TTN: variants seen among roughly 807,000 people sequenced by gnomAD.
TTN encodes the protein titin, also known as connectin.
In TTN, 1,525 loss-of-function variants were observed where a neutral mutation model predicts 3,223.0. The observed-to-expected ratio is 0.47, with a 90% CI of 0.45 to 0.49. The LOEUF (loss-of-function observed/expected upper bound fraction) is 0.49, where lower values mean the gene tolerates loss of function less well. TTN is among the 20% of genes least tolerant of loss of function. The pLI is 0.00. For missense variants in TTN, 40,786 were observed against 43,424.0 expected (o/e 0.94, Z 5.40); for synonymous variants, 14,094 against 15,161.0 (o/e 0.93, Z 5.17).
At chr2:178,801,959 G>A (rs949237210) in intron 3 of TTN, among the ~76,000 whole-genome samples, 179 bp downstream of exon 3, 2 of 152,150 alleles carry the variant, frequency 1.3e-5, no homozygotes, top group Admixed American at 6.5e-5. Flanking sequence ...GTACTCTAGA[G>A]GAAAATTAAA....
rs186215280 is a variant in TTN, at chr2:178,593,182, C to A, written c.59026G>T (p.Asp19676Tyr). The part of the protein sequence containing the change: ...SPPSKPVFAK[D>Y]PIAKPSPPVN... ...TCCATTAATACTATACCAATTGGAT[C>A]TTTAGCAAAGACTGGTTTGGATGGT... The change falls in exon 299 of 363, where the codon GAT becomes TAT. Residue 19676 changes from aspartate (D) to tyrosine (Y), a missense_variant. By Grantham distance (160) the Asp-to-Tyr change is radical. Transcript: ENST00000589042. 3.0e-5 allele frequency: 49 copies of A among 1,613,248 alleles called. No individual in the cohort carries two copies. The Admixed American group carries it at 7.7e-4, about 25-fold the overall frequency.
chr2:178,612,484 A>G lies in TTN; in HGVS notation c.50041T>C (p.Ser16681Pro). 2 of 1,611,012 alleles carry G rather than the reference A, an allele frequency of 1.2e-6. No homozygotes were observed. Among genetic ancestry groups the G allele is most frequent in the Non-Finnish European group, 1.7e-6 (2 of 1,178,818 alleles). ...TCCACAATGTAGTTGGTGATGGGGG[A>G]CCCTCCATCTTTCTCAGGAACTGTC... ...KWTVPEKDGG[S>P]PITNYIVEKR... Residue 16681 changes from serine (S) to proline (P), a missense_variant, in exon 266 of 363, where the codon TCC becomes CCC. Physicochemically the swap from Ser to Pro is moderately conservative, Grantham distance 74. Coordinates refer to ENST00000589042, the MANE Select transcript of TTN (RefSeq NM_001267550.2).
At position 178,731,978 on chromosome 2, in the gene TTN, T is replaced by TA; in HGVS notation, c.16904-8dup. ...TTGGTAAAATAAGGTGACTCTACAG[T>TA]AAAAAAGGAATGATTTGCATTAAGG... On this transcript the variant is annotated splice_region_variant and splice_polypyrimidine_tract_variant and intron_variant, in intron 57 of 362. Transcript: ENST00000589042. 1 of 1,598,998 alleles carries TA rather than the reference T, an allele frequency of 6.3e-7. No individual in the cohort carries two copies. Among genetic ancestry groups the TA allele is most frequent in the Non-Finnish European group, 8.5e-7 (1 of 1,170,334 alleles).
intron 293 of TTN, 42 bp downstream of exon 293, chr2:178,597,866 G>C: frequency 6.2e-7 from 1 of 1,612,414 alleles, no homozygotes; most frequent in Non-Finnish European, 8.5e-7. Flanking sequence ...CCTTCAATCT[G>C]AAACATAAAT....
rs1329838265 is a variant in TTN at position 178,617,708 on chromosome 2, ATTTAT to A, written c.47572+66_47572+70del. ...TTTTTATTAACTTTCATTTAACTTG[ATTTAT>A]TTTAATTGATAGGCCTAATATCTGG... On this transcript the variant is annotated intron_variant, in intron 253 of 362. Coordinates refer to ENST00000589042, the MANE Select transcript of TTN (RefSeq NM_001267550.2). 16 of 1,553,792 alleles carry A rather than the reference ATTTAT, an allele frequency of 1.0e-5. No individual in the cohort carries two copies. In the African/African-American group the frequency reaches 2.1e-4, roughly 20 times the overall value.
Position 178,527,043 on chromosome 2 carries a change from G to A in TTN, c.107945C>T (p.Ala35982Val). ...GGATCGAATATGTATATTCACAGTG[G>A]CAGAGTCAGATCCAAATTCATTCCC... is the stretch of plus-strand genomic sequence containing the variant. ...SLGNEFGSDS[A>V]TVNIHIRSI Residue 35982 changes from alanine to valine, a missense_variant, in exon 363 of 363, where the codon GCC (alanine) becomes GTC (valine). Physicochemically the swap from Ala to Val is moderately conservative, Grantham distance 64 (BLOSUM62 0). Transcript: ENST00000589042. The A allele has an allele frequency of 6.2e-7, 1 of 1,613,704 alleles. No homozygotes were observed. The highest frequency in any genetic ancestry group is 8.5e-7 in the Non-Finnish European group (1 of 1,179,752).
At position 178,546,779 on chromosome 2, in the gene TTN, T is replaced by G; in HGVS notation, c.94649A>C (p.Glu31550Ala). The change falls in exon 341 of 363, where the codon GAG (glutamate) becomes GCG (alanine). Residue 31550 changes from glutamate (E) to alanine (A), a missense_variant. Glu to Ala is a moderately radical substitution (Grantham distance 107). Transcript: ENST00000589042. ...CTTCAGCCAGCGACCATCTCCTACC[T>G]CACTGACTGGCTTACGCTCTATGAT... ...GYIIERKPVS[E>A]VGDGRWLKCN... is the part of the protein sequence containing the mutation. The G allele has an allele frequency of 6.2e-7, 1 of 1,613,710 alleles. No individual in the cohort carries two copies. Among genetic ancestry groups the G allele is most frequent in the South Asian group, 1.1e-5 (1 of 91,072 alleles).
rs557567114 is a variant in TTN, at chr2:178,564,009, C to T, written c.82123G>A (p.Gly27375Arg). ...KVLDRPGPPE[G>R]PLKVTGVTAE... Reference sequence around the variant, plus strand: ...GTAACTCCAGTAACTTTCAGAGGCCCTTCAGGAGGCCCTGGCCTGTCAAGT... The same window carrying T: ...GTAACTCCAGTAACTTTCAGAGGCCTTTCAGGAGGCCCTGGCCTGTCAAGT... Residue 27375 changes from glycine (G) to arginine (R), a missense_variant, in exon 326 of 363, where the codon GGG (glycine) becomes AGG (arginine). By Grantham distance (125) the Gly-to-Arg change is moderately radical. Transcript: ENST00000589042. 26 of 1,613,678 alleles carry T rather than the reference C, an allele frequency of 1.6e-5. No individual in the cohort carries two copies. In the South Asian group the frequency reaches 2.4e-4, roughly 15 times the overall value.
In TTN at chr2:178,624,673, A is replaced by T; in HGVS notation, c.44607T>A (p.Thr14869=). The change falls in exon 242 of 363, where the codon ACT becomes ACA. Residue 14869 remains threonine (T), a synonymous_variant. Coordinates refer to ENST00000589042, the MANE Select transcript of TTN (RefSeq NM_001267550.2). ...TGGAGACTTCACACTCCAGCACTGC[A>T]GTGGCTCCCTCTTCGACCGTCTGGT... ...LEDQTVEEGA[T]AVLECEVSRE... 6.2e-7 allele frequency: 1 copy of T among 1,612,524 alleles called. No individual in the cohort carries two copies. The highest frequency in any genetic ancestry group is 1.1e-5 in the South Asian group (1 of 91,046).
rs2076813561 is a variant in TTN at position 178,712,558 on chromosome 2, T to C, written c.27364A>G (p.Ser9122Gly). ...AKFVKRLNDY[S>G]IEKGKPLILE... ...ATCAGGGGTTTTCCTTTCTCTATGCTGTAATCATTCAGCCTCTTCACAAAT... is the reference window on the plus strand; with the variant it reads ...ATCAGGGGTTTTCCTTTCTCTATGCCGTAATCATTCAGCCTCTTCACAAAT... Residue 9122 changes from serine (S) to glycine (G), a missense_variant, in exon 95 of 363, where the codon AGC becomes GGC. Transcript: ENST00000589042. The C allele has an allele frequency of 6.2e-7, 1 of 1,613,280 alleles. No individual in the cohort carries two copies. Among genetic ancestry groups the C allele is most frequent in the South Asian group, 1.1e-5 (1 of 91,048 alleles).
chr2:178,618,906 T>G, intron 250 of TTN, 53 bp from the exon 251 acceptor site: 1 of 1,573,996 alleles, frequency 6.4e-7, no homozygotes. Flanking sequence ...GTAGCCAAGC[T>G]ACATCATGTT....
rs1233159864 is a variant in TTN at position 178,737,127 on chromosome 2, G to GGGGA, written c.14371+954_14371+955insTCCC. ...AAGATAGAGAGGAGGGAGGGAAGGA[G>GGGGA]GGAAGGAAGGAAGGAAGGAAAGAAG... On this transcript the variant is annotated intron_variant, in intron 49 of 362. Coordinates refer to ENST00000589042, the MANE Select transcript of TTN (RefSeq NM_001267550.2). 1.0e-3 allele frequency among the ~76,000 whole-genome samples: 156 copies of GGGGA among 151,752 alleles called. 1 individual carries two copies. Among genetic ancestry groups the GGGGA allele is most frequent in the African/African-American group, 3.6e-3 (150 of 41,402 alleles).
Position 178,560,276 on chromosome 2 carries a change from C to T in TTN, c.85856G>A (p.Cys28619Tyr). The T allele has an allele frequency of 1.9e-6, 3 of 1,613,812 alleles. No homozygotes were observed. The highest frequency in any genetic ancestry group is 2.5e-6 in the Non-Finnish European group (3 of 1,179,784). ...TGCATAAACACGATATTCATATTCA[C>T]ATCCTTCCCGAAGTCCTGTTGATTT... ...RVKSTGLREG[C>Y]EYEYRVYAEN... Residue 28619 changes from cysteine to tyrosine, a missense_variant, in exon 326 of 363, where the codon TGT becomes TAT. Cys to Tyr is a radical substitution (Grantham distance 194, BLOSUM62 -2). Coordinates refer to ENST00000589042, the MANE Select transcript of TTN (RefSeq NM_001267550.2).
chr2:178,613,099 G>A (rs1396727844), intron 264 of TTN, 27 bp from the exon 265 acceptor site: 1 of 1,610,968 alleles, frequency 6.2e-7, no homozygotes, highest in East Asian at 2.2e-5. Flanking sequence ...TCATTGTTTA[G>A]GTTTGTCAAA....
Position 178,558,541 on chromosome 2 carries a change from C to T in TTN, c.86918G>A (p.Arg28973Lys). ...WLKPEHDGGS[R>K]IVHYVVEALE... Reference sequence around the variant, plus strand: ...TGCTTCAACGACATAGTGTACAATTCTGCTTCCGCCATCATGTTCAGGCTT... The same window carrying T: ...TGCTTCAACGACATAGTGTACAATTTTGCTTCCGCCATCATGTTCAGGCTT... Residue 28973 changes from arginine (R) to lysine (K), a missense_variant, in exon 327 of 363, where the codon AGA becomes AAA. Transcript: ENST00000589042. 1 of 1,613,824 alleles carries T rather than the reference C, an allele frequency of 6.2e-7. No individual in the cohort carries two copies. The highest frequency in any genetic ancestry group is 8.5e-7 in the Non-Finnish European group (1 of 1,179,810).
Position 178,764,788 on chromosome 2 carries a change from G to C in TTN, c.9727C>G (p.Gln3243Glu). 6.2e-7 allele frequency: 1 copy of C among 1,613,468 alleles called. No homozygotes were observed. The highest frequency in any genetic ancestry group is 8.5e-7 in the Non-Finnish European group (1 of 1,179,882). Residue 3243 changes from glutamine to glutamate, a missense_variant, in exon 42 of 363, where the codon CAG (glutamine) becomes GAG (glutamate). Gln to Glu is a conservative substitution (Grantham distance 29, BLOSUM62 2). Coordinates refer to ENST00000589042, the MANE Select transcript of TTN (RefSeq NM_001267550.2). ...TGCACAGTGACAGGCTGGAGCTCCT[G>C]CAGAACTTGGGGCGGTTCAGGAGCT... is the stretch of plus-strand genomic sequence containing the variant. ...VNAPEPPQVL[Q>E]ELQPVTVQSG...
chr2:178,713,038 T>C (rs1237352003), intron 93 of TTN, 47 bp downstream of exon 93: 4 of 1,605,448 alleles, frequency 2.5e-6, no homozygotes, highest in African/African-American at 1.3e-5. Flanking sequence ...ACAAACATGC[T>C]TAATAAACTA....
rs142317580 is a variant in TTN, at chr2:178,777,856, A to G, written c.4328T>C (p.Leu1443Pro). 1.3e-3 allele frequency: 2,119 copies of G among 1,614,050 alleles called. 64 individuals are homozygous for G. The Admixed American group carries it at 0.034, about 26-fold the overall frequency. Residue 1443 changes from leucine (L) to proline (P), a missense_variant, in exon 25 of 363, where the codon CTG (leucine) becomes CCG (proline). Coordinates refer to ENST00000589042, the MANE Select transcript of TTN (RefSeq NM_001267550.2). ...SPARMSPGRRLEETDESQLER... is the reference protein window; with the variant it reads ...SPARMSPGRRPEETDESQLER... ...AAGTTGTGACTCATCTGTCTCCTCC[A>G]GCCTACGTCCAGGGGACATTCTTGC...
chr2:178,606,068 G>C (rs2054717949), intron 278 of TTN, among the ~76,000 whole-genome samples: 1 of 152,022 alleles, frequency 6.6e-6, no homozygotes, highest in Non-Finnish European at 1.5e-5. Context: ...CCAGCTGAGA[G>C]CAAAGTGTTT....
Sources: allele counts gnomAD v4.1 joint callset (sites outside exome capture counted in the v4.1 genomes callset), GRCh38; gene constraint gnomAD v4.1.1; transcripts MANE v1.5; gene names NCBI Gene and HGNC (gene_info 2026-07-23, HGNC 2026-07-21).